The following ENC1 variants were observed in gnomAD, a reference collection of about 807,000 sequenced individuals.
The protein encoded by ENC1 is ectoderm-neural cortex protein 1.
A neutral mutation model predicts 40.9 loss-of-function variants in ENC1; 19 were observed. The observed-to-expected ratio is 0.46, with a 90% CI of 0.32 to 0.68. The LOEUF (loss-of-function observed/expected upper bound fraction) is 0.68, where lower values mean the gene tolerates loss of function less well. ENC1 is among the 30% of genes least tolerant of loss of function. The pLI is 0.03. For missense variants in ENC1, 479 were observed against 737.5 expected (o/e 0.65, Z 4.06); for synonymous variants, 285 against 291.1 (o/e 0.98, Z 0.21).
In ENC1 at chr5:74,636,251, G is replaced by T; in HGVS notation, c.235C>A (p.Leu79Met). ...ACCTCACTGTCCTGGCTCTCTTTCA[G>T]GCCACCACTGAACATGGCCTCAAAG... The part of the protein sequence containing the change: ...RYFEAMFSGG[L>M]KESQDSEVNF... The change falls in exon 2 of 3, where the codon CTG becomes ATG. Residue 79 changes from leucine to methionine, a missense_variant. Transcript: ENST00000302351. This position sits in a 1 kb window ranked among gnomAD's most constrained non-coding sequence, Gnocchi z 4.8. 1 of 1,614,170 alleles carries T rather than the reference G, an allele frequency of 6.2e-7. No individual in the cohort carries two copies. The highest frequency in any genetic ancestry group is 8.5e-7 in the Non-Finnish European group (1 of 1,180,026).
rs1747248734 is a variant in ENC1, at chr5:74,627,688, T to A, written c.*2337A>T. The A allele has an allele frequency of 6.6e-6, 1 of 152,612 alleles. No homozygotes were observed. The highest frequency in any genetic ancestry group is 2.1e-4 in the South Asian group (1 of 4,828). The allele number at this position is 152,612 out of a possible 1,614,324, so 9.5% of individuals were successfully genotyped here. ...ACCAGAAGTGGAGGGCTGCCCTTTG[T>A]TATGTGTTTCTACAGCAACCAGCCC... On this transcript the variant is annotated 3_prime_UTR_variant, in exon 3 of 3. Coordinates refer to ENST00000302351, the MANE Select transcript of ENC1 (RefSeq NM_003633.4).
At chr5:74,637,591 C>T (rs976718091) in intron 1 of ENC1, 4 of 152,144 alleles carry the variant, frequency 2.6e-5, no homozygotes, top group South Asian at 2.1e-4. Context: ...CTGTTCTTCC[C>T]GCTTTATATC....
intron 1 of ENC1, among the ~76,000 whole-genome samples, chr5:74,637,189 C>T (rs1421308459): frequency 6.6e-6 from 1 of 152,204 alleles, no homozygotes; most frequent in Non-Finnish European, 1.5e-5. Flanking sequence ...AATCACAGTT[C>T]ACTGCAGCCT....
At chr5:74,634,617 C>T (rs300240) in intron 2 of ENC1, 67 bp downstream of exon 2, 475,880 of 744,106 alleles carry the variant, frequency 0.64, 153,144 homozygotes, top group Middle Eastern at 0.76. Context: ...CAGATCTCAC[C>T]CCATGTACTG....
chr5:74,629,727 G>A lies in ENC1; in HGVS notation c.*298C>T, dbSNP rs1440869167. 6.6e-6 allele frequency: 1 copy of A among 152,186 alleles called. No homozygotes were observed. The highest frequency in any genetic ancestry group is 6.5e-5 in the Admixed American group (1 of 15,284). 9.4% of individuals were successfully genotyped at this position (152,186 alleles called of 1,614,324 possible). A position where few individuals can be genotyped will look rare whatever the true frequency, so the allele number is the denominator to read the frequency against. ...AGGTCCAGCTTTTCTCTCCCTTTGA[G>A]GGGCTGATTAACATTGACATTAATC... is the stretch of plus-strand genomic sequence containing the variant. On this transcript the variant is annotated 3_prime_UTR_variant, in exon 3 of 3. Coordinates refer to ENST00000302351, the MANE Select transcript of ENC1 (RefSeq NM_003633.4).
chr5:74,637,751 AAT>A (rs1241377687), intron 1 of ENC1: 1 of 112,236 alleles, frequency 8.9e-6, no homozygotes, highest in East Asian at 2.4e-4. Context: ...TAAATCAAAA[AAT>A]ACGTGTGTGT....
In ENC1 at chr5:74,635,820, C is replaced by T. The variant is rs1747567818; in HGVS notation, c.666G>A (p.Leu222=). The change falls in exon 2 of 3, where the codon CTG becomes CTA. Residue 222 remains leucine (L), a synonymous_variant. Coordinates refer to ENST00000302351, the MANE Select transcript of ENC1 (RefSeq NM_003633.4). This position sits in a 1 kb window ranked among gnomAD's most constrained non-coding sequence, Gnocchi z 5.5. ...ESAINWISYD[L]KKRYCYLPEL... is the part of the protein sequence containing the mutation. Reference sequence around the variant, plus strand: ...CTGGGAGGTAGCAATAGCGCTTCTTCAGGTCATAGCTGATCCAGTTAATTG... The same window carrying T: ...CTGGGAGGTAGCAATAGCGCTTCTTTAGGTCATAGCTGATCCAGTTAATTG... The T allele has an allele frequency of 6.2e-7, 1 of 1,613,922 alleles. No individual in the cohort carries two copies. The highest frequency in any genetic ancestry group is 8.5e-7 in the Non-Finnish European group (1 of 1,180,026).
chr5:74,630,221 T>C (rs1747347299), intron 2 of ENC1, among the ~76,000 whole-genome samples: 1 of 152,226 alleles, frequency 6.6e-6, no homozygotes, highest in Admixed American at 6.5e-5. Flanking sequence ...TACACATCCA[T>C]GCAGATGGCT....
chr5:74,639,452 C>T (rs922598188), intron 1 of ENC1, among the ~76,000 whole-genome samples: 7 of 152,236 alleles, frequency 4.6e-5, no homozygotes, highest in African/African-American at 1.7e-4. Context: ...ACAGTAACTT[C>T]AGTTCACTTC....
rs576470633 is a variant in ENC1 at position 74,628,336 on chromosome 5, T to C, written c.*1689A>G. 1 of 152,682 alleles carries C rather than the reference T, an allele frequency of 6.5e-6. No individual in the cohort carries two copies. The highest frequency in any genetic ancestry group is 2.1e-4 in the South Asian group (1 of 4,834). The allele number at this position is 152,682 out of a possible 1,614,324, so 9.5% of individuals were successfully genotyped here. ...ACAGTCACAATGTAAAAGGTTGTTA[T>C]CAGTCTTAACCCCTATTTTCTAAAA... On this transcript the variant is annotated 3_prime_UTR_variant, in exon 3 of 3. Transcript: ENST00000302351.
chr5:74,637,182 C>T (rs1747632436), intron 1 of ENC1, among the ~76,000 whole-genome samples: 1 of 152,208 alleles, frequency 6.6e-6, no homozygotes, highest in African/African-American at 2.4e-5. Context: ...GTGGTGCAAT[C>T]ACAGTTCACT....
Position 74,635,948 on chromosome 5 carries a change from T to C in ENC1, c.538A>G (p.Arg180Gly), listed in dbSNP as rs776921094. The C allele has an allele frequency of 1.2e-6, 2 of 1,614,136 alleles. No homozygotes were observed. The highest frequency in any genetic ancestry group is 1.7e-6 in the Non-Finnish European group (2 of 1,180,026). Residue 180 changes from arginine to glycine, a missense_variant, in exon 2 of 3, where the codon AGG (arginine) becomes GGG (glycine). Physicochemically the swap from Arg to Gly is moderately radical, Grantham distance 125. Coordinates refer to ENST00000302351, the MANE Select transcript of ENC1 (RefSeq NM_003633.4). This position sits in a 1 kb window ranked among gnomAD's most constrained non-coding sequence, Gnocchi z 5.5. ...RMCLSNFQTIRKNEDFLQLPQ... is the reference protein window; with the variant it reads ...RMCLSNFQTIGKNEDFLQLPQ... Reference sequence around the variant, plus strand: ...AGCTGGAGGAAATCTTCATTCTTCCTGATGGTTTGGAAGTTGCTGAGACAC... The same window carrying C: ...AGCTGGAGGAAATCTTCATTCTTCCCGATGGTTTGGAAGTTGCTGAGACAC...
Position 74,635,772 on chromosome 5 carries a change from C to T in ENC1, c.714G>A (p.Leu238=). Residue 238 remains leucine, a synonymous_variant, in exon 2 of 3, where the codon CTG becomes CTA. Transcript: ENST00000302351. This position sits in a 1 kb window ranked among gnomAD's most constrained non-coding sequence, Gnocchi z 5.5. ...TGAGATAGATGGCTGGCAGAAGTGC[C>T]AGCCTTACTGTCTGCAACAGTTCTG... ...YLPELLQTVR[L]ALLPAIYLME... 2 of 1,614,092 alleles carry T rather than the reference C, an allele frequency of 1.2e-6. No individual in the cohort carries two copies. Among genetic ancestry groups the T allele is most frequent in the East Asian group, 4.5e-5 (2 of 44,862 alleles).
At chr5:74,634,611 T>C in intron 2 of ENC1, 73 bp downstream of exon 2, 1 of 720,050 alleles carries the variant, frequency 1.4e-6, no homozygotes. Context: ...GTGGATCAGA[T>C]CTCACCCCAT....
Position 74,635,516 on chromosome 5 carries a change from C to A in ENC1, c.970G>T (p.Ala324Ser). The change falls in exon 2 of 3, where the codon GCT becomes TCT. Residue 324 changes from alanine (A) to serine (S), a missense_variant. Physicochemically the swap from Ala to Ser is moderately conservative, Grantham distance 99. Coordinates refer to ENST00000302351, the MANE Select transcript of ENC1 (RefSeq NM_003633.4). This position sits in a 1 kb window ranked among gnomAD's most constrained non-coding sequence, Gnocchi z 5.5. Reference sequence around the variant, plus strand: ...TCTTTTCTTGGGCTGGGAATGTCAGCCTTGGGAATGATTTCTTTGGCCTTC... The same window carrying A: ...TCTTTTCTTGGGCTGGGAATGTCAGACTTGGGAATGATTTCTTTGGCCTTC... ...DQKAKEIIPK[A>S]DIPSPRKEFS... 2 of 1,614,208 alleles carry A rather than the reference C, an allele frequency of 1.2e-6. No homozygotes were observed. Among genetic ancestry groups the A allele is most frequent in the Non-Finnish European group, 1.7e-6 (2 of 1,180,042 alleles).
At chr5:74,639,505 C>G (rs3776477) in intron 1 of ENC1, among the ~76,000 whole-genome samples, 20,096 of 152,260 alleles carry the variant, frequency 0.13, 1,351 homozygotes, top group East Asian at 0.17. Flanking sequence ...CTTAGCGTCC[C>G]GCACCCTTCT....
chr5:74,634,988 C>T lies in ENC1; in HGVS notation c.1498G>A (p.Asp500Asn). The T allele has an allele frequency of 6.2e-7, 1 of 1,614,190 alleles. No homozygotes were observed. Among genetic ancestry groups the T allele is most frequent in the Non-Finnish European group, 8.5e-7 (1 of 1,180,028 alleles). ...LGNQIFIMGG[D>N]TEFSACSAYK... ...GCAGAGCAGGCAGAGAATTCTGTAT[C>T]ACCCCCCATAATAAAAATCTGGTTC... The change falls in exon 2 of 3, where the codon GAT becomes AAT. Residue 500 changes from aspartate to asparagine, a missense_variant. Asp to Asn is a conservative substitution (Grantham distance 23, BLOSUM62 1). Coordinates refer to ENST00000302351, the MANE Select transcript of ENC1 (RefSeq NM_003633.4).
chr5:74,635,204 C>T lies in ENC1; in HGVS notation c.1282G>A (p.Ala428Thr), dbSNP rs1471419072. 1.2e-6 allele frequency: 2 copies of T among 1,614,200 alleles called. No individual in the cohort carries two copies. Among genetic ancestry groups the T allele is most frequent in the East Asian group, 4.5e-5 (2 of 44,872 alleles). ...TTGCTAACGCCTTCTCGGAGTGGGG[C>T]CACCATGGTCCATTTGTTGATTGTG... Reference protein sequence around the residue: ...DPTINKWTMVAPLREGVSNAA... With the variant: ...DPTINKWTMVTPLREGVSNAA... The change falls in exon 2 of 3, where the codon GCC (alanine) becomes ACC (threonine). Residue 428 changes from alanine to threonine, a missense_variant. Transcript: ENST00000302351. The surrounding 1 kb of genome is among the most constrained non-coding windows in gnomAD (Gnocchi z 5.5).
intron 1 of ENC1, among the ~76,000 whole-genome samples, chr5:74,637,879 T>C (rs550791060): frequency 3.3e-5 from 5 of 152,270 alleles, no homozygotes; most frequent in African/African-American, 1.2e-4. Context: ...ATTGAAATTA[T>C]AGTAGAATCT....
Sources: allele counts gnomAD v4.1 joint callset (sites outside exome capture counted in the v4.1 genomes callset), GRCh38; gene constraint gnomAD v4.1.1; non-coding constraint Gnocchi (gnomAD v3.1); transcripts MANE v1.5; gene names NCBI Gene and HGNC (gene_info 2026-07-23, HGNC 2026-07-21).